NCOR2: variants seen among roughly 807,000 people sequenced by gnomAD.
The protein encoded by NCOR2 is nuclear receptor corepressor 2, also known as CTG repeat protein 26.
A neutral mutation model predicts 262.9 loss-of-function variants in NCOR2; 81 were observed. The observed-to-expected ratio is 0.31, with a 90% CI of 0.26 to 0.37. The LOEUF is 0.37. Among genes scored for constraint, NCOR2 ranks in the 10% least tolerant of loss-of-function variants. The probability of loss-of-function intolerance (pLI) is 1.00; values close to 1 mark genes in which losing one functional copy is unlikely to be tolerated. For missense variants in NCOR2, 3,385 were observed against 3,621.4 expected (o/e 0.93, Z 1.68); for synonymous variants, 1,659 against 1,559.3 (o/e 1.06, Z -1.51).
chr12:124,438,676 G>GAGAGAGAGGGAGACAGAGACCCAGAA (rs1565944539), intron 7 of NCOR2, among the ~76,000 whole-genome samples: 3 of 151,366 alleles, frequency 2.0e-5, no homozygotes, highest in Admixed American at 1.3e-4. Context: ...GTTTCAGAGA[G>GAGAGAGAGGGAGACAGAGACCCAGAA]AGAGAGGGAG....
Position 124,440,042 on chromosome 12 carries a change from G to A in NCOR2, c.816-2046C>T, listed in dbSNP as rs1337849307. Among the ~76,000 whole-genome samples, 1 of 151,906 alleles carries A rather than the reference G, an allele frequency of 6.6e-6. No homozygotes were observed. The highest frequency in any genetic ancestry group is 1.5e-5 in the Non-Finnish European group (1 of 67,962). On this transcript the variant is annotated intron_variant, in intron 7 of 46. Transcript: ENST00000405201. The surrounding 1 kb of genome is among the most constrained non-coding windows in gnomAD (Gnocchi z 5.7). ...CTCCCCACGGTCTCCAACACACAAAGCAGGGTGCTGCAGCTGGCCTCCCAG... is the reference window on the plus strand; with the variant it reads ...CTCCCCACGGTCTCCAACACACAAAACAGGGTGCTGCAGCTGGCCTCCCAG...
At chr12:124,426,571 C>T (rs777890711) in intron 11 of NCOR2, 51 bp downstream of exon 13, 1 of 1,505,672 alleles carries the variant, frequency 6.6e-7, no homozygotes, top group East Asian at 2.4e-5. Flanking sequence ...CAGGCCTCAA[C>T]AGGATGGGGG....
chr12:124,346,593 G>C, exon 31 of NCOR2: 1 of 1,577,182 alleles, frequency 6.3e-7, no homozygotes, highest in African/African-American at 1.3e-5. Flanking sequence ...TTGAGCGGCC[G>C]CGGGGCCAGG....
chr12:124,399,028 G>A (rs1182179689), intron 15 of NCOR2, among the ~76,000 whole-genome samples: 1 of 152,180 alleles, frequency 6.6e-6, no homozygotes, highest in African/African-American at 2.4e-5. Context: ...GGGTGCGAGG[G>A]ACGTCAGCTC....
Position 124,517,340 on chromosome 12 carries a change from C to A in NCOR2, c.-118+18225G>T, listed in dbSNP as rs1276490828. 1.3e-5 allele frequency among the ~76,000 whole-genome samples: 2 copies of A among 152,310 alleles called. No individual in the cohort carries two copies. The highest frequency in any genetic ancestry group is 4.8e-5 in the African/African-American group (2 of 41,576). ...GCCGCGGCGCACCCAGACCTCAGGA[C>A]AAATCACTCCCTCATCCCCCCGGTT... On this transcript the variant is annotated intron_variant, in intron 1 of 46. Transcript: ENST00000404621. This position sits in a 1 kb window ranked among gnomAD's most constrained non-coding sequence, Gnocchi z 7.6.
chr12:124,409,772 G>T (rs1213461756), intron 13 of NCOR2, among the ~76,000 whole-genome samples: 1 of 152,032 alleles, frequency 6.6e-6, no homozygotes, highest in Non-Finnish European at 1.5e-5. Context: ...CCACTTTCTG[G>T]GCTCAAGCAG....
At chr12:124,512,861 G>A (rs572517832) in intron 1 of NCOR2, among the ~76,000 whole-genome samples, 85 of 152,246 alleles carry the variant, frequency 5.6e-4, no homozygotes, top group Non-Finnish European at 1.0e-3. Context: ...CCTCTCGGCC[G>A]AGGGCCAAAC....
chr12:124,556,869 C>T (rs904667662), intron 1 of NCOR2, among the ~76,000 whole-genome samples: 3 of 150,098 alleles, frequency 2.0e-5, no homozygotes, highest in African/African-American at 4.9e-5. Flanking sequence ...AAAAAAAATC[C>T]GAGAAAAATG....
chr12:124,432,108 C>G lies in NCOR2; in HGVS notation c.883-1321G>C, dbSNP rs1565938632. 6.6e-6 allele frequency among the ~76,000 whole-genome samples: 1 copy of G among 151,724 alleles called. No individual in the cohort carries two copies. The highest frequency in any genetic ancestry group is 1.5e-5 in the Non-Finnish European group (1 of 67,936). ...AGACACACACACACGGTCATCCAGGCAGACATATGACAGACACACACACAG... is the reference window on the plus strand; with the variant it reads ...AGACACACACACACGGTCATCCAGGGAGACATATGACAGACACACACACAG... On this transcript the variant is annotated intron_variant, in intron 8 of 46. Transcript: ENST00000405201. The surrounding 1 kb of genome is among the most constrained non-coding windows in gnomAD (Gnocchi z 5.1).
chr12:124,327,697 C>T (rs1015097276), intron 44 of NCOR2, 64 bp from the exon 47 acceptor site: 43 of 1,186,856 alleles, frequency 3.6e-5, no homozygotes, highest in African/African-American at 4.6e-5. Context: ...GCCAGAGGGG[C>T]GACAGAGAGA....
chr12:124,431,767 C>T (rs1159180799), intron 8 of NCOR2, among the ~76,000 whole-genome samples: 1 of 150,140 alleles, frequency 6.7e-6, no homozygotes, highest in Non-Finnish European at 1.5e-5. Flanking sequence ...GACACACAGT[C>T]ACACAGTCAC....
At chr12:124,533,103 C>G (rs1402453480) in intron 1 of NCOR2, among the ~76,000 whole-genome samples, 1 of 149,222 alleles carries the variant, frequency 6.7e-6, no homozygotes, top group African/African-American at 2.5e-5. Flanking sequence ...AATCCTCCTT[C>G]CCCTGCTCCC....
At chr12:124,376,399 T>A (rs2040001379) in intron 18 of NCOR2, among the ~76,000 whole-genome samples, 1 of 152,228 alleles carries the variant, frequency 6.6e-6, no homozygotes, top group Non-Finnish European at 1.5e-5. Flanking sequence ...CAAGCCTGCA[T>A]CCCGCCCATT....
intron 13 of NCOR2, among the ~76,000 whole-genome samples, chr12:124,405,298 C>T (rs1021564200): frequency 6.6e-6 from 1 of 152,242 alleles, no homozygotes; most frequent in Non-Finnish European, 1.5e-5. Context: ...GCACCGAGTG[C>T]AATCCTGGCA....
chr12:124,340,326 G>A lies in NCOR2; in HGVS notation c.5456C>T (p.Thr1819Met), dbSNP rs1459727971. Reference sequence around the variant, plus strand: ...CCAGATGGGTGCGTGCTCCACCGTCGTGGTGGACGTGAGGATGGACTTTTC... The same window carrying A: ...CCAGATGGGTGCGTGCTCCACCGTCATGGTGGACGTGAGGATGGACTTTTC... The change falls in exon 36 of 47, where the codon ACG (threonine) becomes ATG (methionine). Residue 1819 changes from threonine to methionine, a missense_variant. Thr to Met is a moderately conservative substitution (Grantham distance 81). Coordinates refer to ENST00000405201, the Ensembl canonical transcript of NCOR2. 12 of 1,612,588 alleles carry A rather than the reference G, an allele frequency of 7.4e-6. No homozygotes were observed. The highest frequency in any genetic ancestry group is 3.3e-5 in the Admixed American group (2 of 60,006).
At chr12:124,547,544 TA>T (rs2137245666) in intron 1 of NCOR2, among the ~76,000 whole-genome samples, 1 of 152,340 alleles carries the variant, frequency 6.6e-6, no homozygotes, top group South Asian at 2.1e-4. Context: ...TTAACCACTA[TA>T]AAGTAGGCAG....
chr12:124,562,668 C>A (rs1263666264), intron 1 of NCOR2, among the ~76,000 whole-genome samples: 1 of 152,212 alleles, frequency 6.6e-6, no homozygotes, highest in African/African-American at 2.4e-5. Flanking sequence ...TTGTGAAACA[C>A]CAACGACCAA....
rs577096455 is a variant in NCOR2, at chr12:124,504,153, C to T, written c.-117-8785G>A. ...GCACATCTTCCCCTTGAGCTGGGTT[C>T]GAGGAGAAAGGCCGAGAGGACTCCA... On this transcript the variant is annotated intron_variant, in intron 1 of 46. Transcript: ENST00000404621. This position sits in a 1 kb window ranked among gnomAD's most constrained non-coding sequence, Gnocchi z 4.5. Among the ~76,000 whole-genome samples, 133 of 152,302 alleles carry T rather than the reference C, an allele frequency of 8.7e-4. No individual in the cohort carries two copies. The highest frequency in any genetic ancestry group is 1.6e-3 in the Non-Finnish European group (106 of 68,016).
At position 124,483,582 on chromosome 12, in the gene NCOR2, G is replaced by A; in HGVS notation, c.411+14C>T. ...AAGCGGGAGAGGAGCTCCCAGCTGG[G>A]GGCCCAGGCTTACCTTGGTGAGGTC... On this transcript the variant is annotated intron_variant, in intron 3 of 46. Transcript: ENST00000405201. This position sits in a 1 kb window ranked among gnomAD's most constrained non-coding sequence, Gnocchi z 6.3. 2 of 1,558,588 alleles carry A rather than the reference G, an allele frequency of 1.3e-6. No homozygotes were observed. The highest frequency in any genetic ancestry group is 1.7e-6 in the Non-Finnish European group (2 of 1,153,160).
Sources: allele counts gnomAD v4.1 joint callset (sites outside exome capture counted in the v4.1 genomes callset), GRCh38; gene constraint gnomAD v4.1.1; non-coding constraint Gnocchi (gnomAD v3.1); transcripts MANE v1.5; gene names NCBI Gene and HGNC (gene_info 2026-07-23, HGNC 2026-07-21).